The following HDAC9 variants were observed in gnomAD, a reference collection of about 807,000 sequenced individuals.
HDAC9 encodes histone deacetylase 9.
Under a neutral mutation model 139.4 loss-of-function variants are expected in HDAC9, and 41 were observed. The observed-to-expected ratio is 0.29, with a 90% CI of 0.23 to 0.38. The LOEUF is 0.38. Among genes scored for constraint, HDAC9 ranks in the 10% least tolerant of loss-of-function variants. The pLI is 1.00. For missense variants in HDAC9, 1,147 were observed against 1,297.0 expected (o/e 0.88, Z 1.78); for synonymous variants, 517 against 476.2 (o/e 1.09, Z -1.12).
At chr7:18,912,222 A>G (rs1443770058) in intron 22 of HDAC9, among the ~76,000 whole-genome samples, 2 of 152,008 alleles carry the variant, frequency 1.3e-5, no homozygotes, top group East Asian at 1.9e-4. Flanking sequence ...CTTATTATCA[A>G]TATGTAATGA....
At chr7:18,891,291 G>T (rs1408313800) in intron 22 of HDAC9, among the ~76,000 whole-genome samples, 2 of 152,204 alleles carry the variant, frequency 1.3e-5, no homozygotes, top group Admixed American at 6.5e-5. Context: ...TTTATGAAAT[G>T]TAGTTAATTT....
At chr7:18,715,500 A>T (rs1212444705) in intron 12 of HDAC9, among the ~76,000 whole-genome samples, 1 of 152,152 alleles carries the variant, frequency 6.6e-6, no homozygotes, top group African/African-American at 2.4e-5. Flanking sequence ...TTGGTAATTT[A>T]TACACAAGCA....
intron 25 of HDAC9, among the ~76,000 whole-genome samples, chr7:18,989,762 C>G (rs543846235): frequency 2.7e-5 from 2 of 73,204 alleles, no homozygotes; most frequent in African/African-American, 1.2e-4. Context: ...TCTTCTTATG[C>G]TTTTTTCTCT....
intron 2 of HDAC9, among the ~76,000 whole-genome samples, chr7:18,580,991 C>T (rs35211946): frequency 0.023 from 3,530 of 152,148 alleles, 66 homozygotes; most frequent in Middle Eastern, 0.044. Context: ...TTGTCACCCA[C>T]AATGCAATTA....
chr7:18,359,213 G>C (rs1371892565), intron 1 of HDAC9, among the ~76,000 whole-genome samples: 1 of 152,034 alleles, frequency 6.6e-6, no homozygotes, highest in Non-Finnish European at 1.5e-5. Flanking sequence ...AAAGGTAGCC[G>C]GGCGTGGTGG....
At chr7:18,968,407 C>G (rs1563093708) in intron 24 of HDAC9, among the ~76,000 whole-genome samples, 1 of 151,898 alleles carries the variant, frequency 6.6e-6, no homozygotes, top group African/African-American at 2.4e-5. Flanking sequence ...TGATCAGAAA[C>G]AAGAGAAAAC....
intron 1 of HDAC9, among the ~76,000 whole-genome samples, chr7:18,143,792 CAAA>C (rs71014311): frequency 8.2e-6 from 1 of 122,566 alleles, no homozygotes. Flanking sequence ...GACTCCATCT[CAAA>C]AAAAAAAAAA....
intron 1 of HDAC9, among the ~76,000 whole-genome samples, chr7:18,142,480 C>T (rs1458021298): frequency 3.3e-5 from 5 of 152,188 alleles, no homozygotes; most frequent in African/African-American, 9.6e-5. Context: ...AGTGCCATGA[C>T]GTCTTATGGA....
chr7:18,788,182 C>T (rs771005746), intron 16 of HDAC9, among the ~76,000 whole-genome samples: 2 of 152,094 alleles, frequency 1.3e-5, no homozygotes, highest in African/African-American at 2.4e-5. Context: ...GCAGGGTTCC[C>T]GGGCTCCAGT....
intron 2 of HDAC9, among the ~76,000 whole-genome samples, chr7:18,564,328 A>G (rs892080188): frequency 6.6e-6 from 1 of 152,164 alleles, no homozygotes; most frequent in African/African-American, 2.4e-5. Context: ...ACCCAGTAAG[A>G]GCTTTATTGA....
chr7:18,937,441 G>A (rs1781723920), intron 23 of HDAC9, among the ~76,000 whole-genome samples: 1 of 152,098 alleles, frequency 6.6e-6, no homozygotes, highest in African/African-American at 2.4e-5. Flanking sequence ...TTCAACGTGT[G>A]TAAAATTTTC....
intron 23 of HDAC9, among the ~76,000 whole-genome samples, chr7:18,943,827 T>C (rs1375132665): frequency 6.6e-6 from 1 of 152,076 alleles, no homozygotes; most frequent in African/African-American, 2.4e-5. Flanking sequence ...ACCAGAGATA[T>C]TTCTTTATTG....
At chr7:18,721,169 AAT>A (rs1312652986) in intron 12 of HDAC9, among the ~76,000 whole-genome samples, 2 of 152,156 alleles carry the variant, frequency 1.3e-5, no homozygotes, top group African/African-American at 4.8e-5. Context: ...TTAAACAATT[AAT>A]ATGTATAAAT....
chr7:18,867,232 T>C (rs1798564272), intron 21 of HDAC9, among the ~76,000 whole-genome samples: 1 of 152,164 alleles, frequency 6.6e-6, no homozygotes, highest in Admixed American at 6.5e-5. Flanking sequence ...AAAAAGCATA[T>C]ATGCCATTGT....
At chr7:18,877,786 T>C (rs1799431679) in intron 22 of HDAC9, among the ~76,000 whole-genome samples, 2 of 152,124 alleles carry the variant, frequency 1.3e-5, no homozygotes, top group Non-Finnish European at 2.9e-5. Flanking sequence ...AAATTAAAGG[T>C]AATTCTTTTC....
chr7:18,822,687 A>G (rs1001568017), intron 17 of HDAC9, among the ~76,000 whole-genome samples: 14 of 152,148 alleles, frequency 9.2e-5, no homozygotes, highest in African/African-American at 2.9e-4. Context: ...GTGAACAGAG[A>G]CCAGATCAGG....
intron 22 of HDAC9, among the ~76,000 whole-genome samples, chr7:18,891,756 A>T (rs1167938967): frequency 6.6e-6 from 1 of 152,130 alleles, no homozygotes; most frequent in Non-Finnish European, 1.5e-5. Flanking sequence ...TTGGAACCTG[A>T]AAAGTCTACA....
chr7:18,516,427 A>T lies in HDAC9; in HGVS notation c.22+20103A>T, dbSNP rs1373052427. Among the ~76,000 whole-genome samples the T allele has an allele frequency of 2.0e-5, 3 of 152,270 alleles. No individual in the cohort carries two copies. The East Asian group carries it at 5.8e-4, about 29-fold the overall frequency. ...AGAGTTGTGATTTCCAGGAAGGAGG[A>T]TGTCACCTTACCGCCCTAGTCAATA... On this transcript the variant is annotated intron_variant, in intron 2 of 25. Transcript: ENST00000686413.
chr7:18,769,152 A>G (rs1374873346), intron 16 of HDAC9, among the ~76,000 whole-genome samples: 1 of 152,168 alleles, frequency 6.6e-6, no homozygotes, highest in East Asian at 1.9e-4. Context: ...AATTGAGGCC[A>G]TCTCCCTAGG....
Sources: allele counts gnomAD v4.1 joint callset (sites outside exome capture counted in the v4.1 genomes callset), GRCh38; gene constraint gnomAD v4.1.1; transcripts MANE v1.5; gene names NCBI Gene and HGNC (gene_info 2026-07-23, HGNC 2026-07-21).